DNAH12: variants seen among roughly 807,000 people sequenced by gnomAD.
The protein encoded by DNAH12 is axonemal beta dynein heavy chain 12.
Under a neutral mutation model 371.5 loss-of-function variants are expected in DNAH12, and 285 were observed. That is an observed-to-expected ratio of 0.77 (90% CI 0.70 to 0.85). The LOEUF (loss-of-function observed/expected upper bound fraction) is 0.85. Among genes scored for constraint, DNAH12 ranks in the 40% least tolerant of loss-of-function variants. DNAH12 has a pLI of 0.00. For missense variants in DNAH12, 3,611 were observed against 3,689.4 expected (o/e 0.98, Z 0.55); for synonymous variants, 1,200 against 1,213.0 (o/e 0.99, Z 0.22).
At chr3:57,379,941 GAAAAT>G (rs1465727991) in intron 51 of DNAH12, among the ~76,000 whole-genome samples, 1 of 143,114 alleles carries the variant, frequency 7.0e-6, no homozygotes, top group Non-Finnish European at 1.5e-5. Context: ...AATTTGAATA[GAAAAT>G]AATATGCTAT....
intron 4 of DNAH12, among the ~76,000 whole-genome samples, chr3:57,521,343 C>G (rs1450174039): frequency 6.6e-6 from 1 of 151,918 alleles, no homozygotes; most frequent in Non-Finnish European, 1.5e-5. Flanking sequence ...AAAGACTATT[C>G]TTCCTCCACT....
At position 57,517,644 on chromosome 3, in the gene DNAH12, C is replaced by T. The variant is rs545565416; in HGVS notation, c.279+5939G>A. 6.6e-5 allele frequency among the ~76,000 whole-genome samples: 10 copies of T among 152,214 alleles called. No homozygotes were observed. In the South Asian group the frequency reaches 1.2e-3, roughly 19 times the overall value. On this transcript the variant is annotated intron_variant, in intron 4 of 73. Coordinates refer to ENST00000495027, the MANE Select transcript of DNAH12 (RefSeq NM_001366028.2). The stretch of plus-strand genomic sequence containing the variant: ...ATCTATAACTTATACCTTTCTAAAA[C>T]CATTTCATCTCCTAAAATAAAAATA...
intron 8 of DNAH12, among the ~76,000 whole-genome samples, chr3:57,506,320 A>C (rs1363946450): frequency 2.6e-5 from 4 of 152,050 alleles, no homozygotes. Context: ...CAGTTGCTAA[A>C]CTCTTAGAAG....
At chr3:57,522,232 A>AT (rs1559748480) in intron 4 of DNAH12, among the ~76,000 whole-genome samples, 2 of 151,720 alleles carry the variant, frequency 1.3e-5, no homozygotes, top group Admixed American at 1.3e-4. Context: ...TCAAAAAAAA[A>AT]AAATAAATAA....
At position 57,459,706 on chromosome 3, in the gene DNAH12, C is replaced by T. The variant is rs1015676812; in HGVS notation, c.2817G>A (p.Glu939=). The change falls in exon 20 of 74, where the codon GAG becomes GAA. Residue 939 remains glutamate (E), a synonymous_variant. Transcript: ENST00000495027. ...LKVQAQWLYL[E]PIFCSEDIMQ... ...TGATATCCTCAGAACAAAAGATGGG[C>T]TCTAAGTACAGCCATTGAGCTTGTA... The T allele has an allele frequency of 1.7e-5, 26 of 1,548,294 alleles. No individual in the cohort carries two copies. Among genetic ancestry groups the T allele is most frequent in the Non-Finnish European group, 1.9e-5 (22 of 1,144,766 alleles).
At chr3:57,356,964 A>G (rs2153325226) in intron 59 of DNAH12, among the ~76,000 whole-genome samples, 1 of 152,078 alleles carries the variant, frequency 6.6e-6, no homozygotes, top group East Asian at 1.9e-4. Flanking sequence ...GCTGGTCTCG[A>G]ACTCCTGACC....
chr3:57,487,328 A>C (rs1341526694), intron 12 of DNAH12, among the ~76,000 whole-genome samples: 2 of 102,162 alleles, frequency 2.0e-5, no homozygotes, highest in Non-Finnish European at 3.8e-5. Context: ...AGAGAAAGGG[A>C]GGGAGGGAGG....
the DNAH12 span, among the ~76,000 whole-genome samples, chr3:57,554,485 T>G: frequency 1.3e-5 from 2 of 152,132 alleles, no homozygotes; most frequent in African/African-American, 4.8e-5. Flanking sequence ...ATACTATGGC[T>G]TAGAATGCAC....
At chr3:57,429,247 G>A (rs924642699) in intron 33 of DNAH12, among the ~76,000 whole-genome samples, 4 of 151,684 alleles carry the variant, frequency 2.6e-5, no homozygotes, top group Admixed American at 6.6e-5. Flanking sequence ...TACCATCTCG[G>A]CTCACTGCAA....
intron 73 of DNAH12, among the ~76,000 whole-genome samples, 192 bp from the exon 74 acceptor site, chr3:57,294,163 TTTC>T (rs1165512341): frequency 2.2e-5 from 3 of 134,148 alleles, no homozygotes; most frequent in African/African-American, 5.4e-5. Flanking sequence ...AAGGCAAGTA[TTTC>T]TTTTCTTTTC....
At position 57,483,380 on chromosome 3, in the gene DNAH12, A is replaced by C. The variant is rs553380257; in HGVS notation, c.1646T>G (p.Ile549Ser). Reference protein sequence around the residue: ...TVGIEELILRIQESKRQMSYF... With the variant: ...TVGIEELILRSQESKRQMSYF... Reference sequence around the variant, plus strand: ...ATGCAAATTAAAATTCCTTACCTGGATCCTTAAAATCAACTCTTCGATTCC... The same window carrying C: ...ATGCAAATTAAAATTCCTTACCTGGCTCCTTAAAATCAACTCTTCGATTCC... The change falls in exon 13 of 74, where the codon ATC becomes AGC. Residue 549 changes from isoleucine (I) to serine (S), a missense_variant. Around this residue, in one of 3 missense-constraint regions of DNAH12, gnomAD observed 1,314 missense variants for 1,398.7 expected, o/e 0.94. Transcript: ENST00000495027. 10 of 1,542,796 alleles carry C rather than the reference A, an allele frequency of 6.5e-6. No homozygotes were observed. In the African/African-American group the frequency reaches 6.9e-5, roughly 11 times the overall value.
intron 12 of DNAH12, among the ~76,000 whole-genome samples, chr3:57,485,223 A>G (rs1455550245): frequency 6.6e-6 from 1 of 152,226 alleles, no homozygotes; most frequent in African/African-American, 2.4e-5. Flanking sequence ...AGACATCTGC[A>G]CAAGCATGTT....
rs1410779653 is a variant in DNAH12, at chr3:57,482,743, T to C, written c.1650+633A>G. On this transcript the variant is annotated intron_variant, in intron 13 of 73. Transcript: ENST00000495027. Reference sequence around the variant, plus strand: ...TACACCATGGAATACTATGCAGCCATAAAAAAGGATGAGTTAATGTCCTTT... The same window carrying C: ...TACACCATGGAATACTATGCAGCCACAAAAAAGGATGAGTTAATGTCCTTT... Among the ~76,000 whole-genome samples the C allele has an allele frequency of 3.3e-5, 5 of 151,872 alleles. No individual in the cohort carries two copies. The East Asian group carries it at 7.7e-4, about 24-fold the overall frequency.
At chr3:57,392,869 GACT>G (rs1428709334) in intron 44 of DNAH12, among the ~76,000 whole-genome samples, 9,773 of 152,190 alleles carry the variant, frequency 0.064, 1,041 homozygotes, top group African/African-American at 0.22. Flanking sequence ...CCCCAAAGGT[GACT>G]ATTCCTTGGA....
At chr3:57,294,411 G>A (rs970802453) in intron 73 of DNAH12, among the ~76,000 whole-genome samples, 6 of 152,144 alleles carry the variant, frequency 3.9e-5, no homozygotes, top group South Asian at 4.1e-4. Flanking sequence ...CCCTGACCTC[G>A]TGATCTGCCC....
At chr3:57,509,363 T>C (rs2067895191) in intron 5 of DNAH12, 151 bp from the exon 6 acceptor site, 1 of 706,536 alleles carries the variant, frequency 1.4e-6, no homozygotes, top group African/African-American at 1.8e-5. Flanking sequence ...AAAATCAAGT[T>C]CTTGGTAGTA....
At chr3:57,466,129 TGAA>T (rs1319676820) in intron 17 of DNAH12, among the ~76,000 whole-genome samples, 1 of 150,656 alleles carries the variant, frequency 6.6e-6, no homozygotes, top group African/African-American at 2.4e-5. Context: ...GTGAAAAAAA[TGAA>T]GAAGCTCCCT....
rs1250803425 is a variant in DNAH12, at chr3:57,301,797, G to A, written c.11332C>T (p.Pro3778Ser). 2.6e-6 allele frequency: 4 copies of A among 1,550,940 alleles called. No individual in the cohort carries two copies. The highest frequency in any genetic ancestry group is 2.0e-5 in the Admixed American group (1 of 50,854). Residue 3778 changes from proline to serine, a missense_variant, in exon 70 of 74, where the codon CCA (proline) becomes TCA (serine). Transcript: ENST00000495027. ...VPEIWAKRSYPSLKPLGSYIT... is the reference protein window; with the variant it reads ...VPEIWAKRSYSSLKPLGSYIT... ...TAACTTCCCAGGGGCTTAAGGCTTG[G>A]GTATGAACGTTTGGCCCATATTTCT...
At chr3:57,555,239 A>G in the DNAH12 span, among the ~76,000 whole-genome samples, 1 of 151,718 alleles carries the variant, frequency 6.6e-6, no homozygotes, top group Non-Finnish European at 1.5e-5. Flanking sequence ...GCAAGGCCCT[A>G]CCTAAAAAAT....
Sources: allele counts gnomAD v4.1 joint callset (sites outside exome capture counted in the v4.1 genomes callset), GRCh38; gene constraint gnomAD v4.1.1; regional missense constraint gnomAD v4.1.1; transcripts MANE v1.5; gene names NCBI Gene and HGNC (gene_info 2026-07-23, HGNC 2026-07-21).